The following TEC variants were observed in gnomAD, a reference collection of about 807,000 sequenced individuals.
The protein encoded by TEC is tec protein tyrosine kinase.
In TEC, 72 loss-of-function variants were observed where a neutral mutation model predicts 93.0. That is an observed-to-expected ratio of 0.77 (90% CI 0.64 to 0.94). The LOEUF (loss-of-function observed/expected upper bound fraction) is 0.94. Among genes scored for constraint, TEC ranks in the 40% least tolerant of loss-of-function variants. TEC has a pLI of 0.00. For synonymous variants in TEC, 249 were observed against 247.7 expected, an observed-to-expected ratio of 1.01 and a Z score of -0.05; for missense variants, 630 against 757.9, an observed-to-expected ratio of 0.83 and a Z score of 1.98.
intron 1 of TEC, among the ~76,000 whole-genome samples, chr4:48,242,187 T>C (rs1450264589): frequency 2.6e-5 from 4 of 152,190 alleles, no homozygotes; most frequent in Non-Finnish European, 4.4e-5. Context: ...CACAACAAAA[T>C]AAATTAATGT....
At chr4:48,205,146 AT>A (rs1370044992) in intron 2 of TEC, among the ~76,000 whole-genome samples, 1 of 152,244 alleles carries the variant, frequency 6.6e-6, no homozygotes, top group African/African-American at 2.4e-5. Flanking sequence ...TGTGGTCAAG[AT>A]TAAATAAGTT....
At chr4:48,241,176 T>C (rs1327057769) in intron 1 of TEC, among the ~76,000 whole-genome samples, 2 of 152,152 alleles carry the variant, frequency 1.3e-5, no homozygotes. Context: ...ATCATTGTCA[T>C]TATCTGGTCC....
chr4:48,166,432 G>A (rs1274360597), intron 7 of TEC, among the ~76,000 whole-genome samples: 9 of 151,968 alleles, frequency 5.9e-5, no homozygotes, highest in Non-Finnish European at 2.9e-5. Flanking sequence ...TCTTCCTCCA[G>A]GTACAAAAAT....
chr4:48,251,516 T>C (rs138514681), intron 1 of TEC, among the ~76,000 whole-genome samples: 2 of 152,344 alleles, frequency 1.3e-5, no homozygotes, highest in African/African-American at 4.8e-5. Context: ...CTTGATTATG[T>C]GTTGTTTTTC....
chr4:48,191,764 ACT>A (rs1470425526), intron 2 of TEC, among the ~76,000 whole-genome samples: 1 of 151,974 alleles, frequency 6.6e-6, no homozygotes, highest in African/African-American at 2.4e-5. Context: ...ACATAGCAAG[ACT>A]CTGTTTCTAC....
intron 2 of TEC, among the ~76,000 whole-genome samples, chr4:48,178,766 ATTCAGGGCTC>A (rs1721434882): frequency 6.6e-6 from 1 of 152,172 alleles, no homozygotes; most frequent in Admixed American, 6.5e-5. Context: ...CTACAGACGC[ATTCAGGGCTC>A]TCCTATCCAA....
At chr4:48,266,510 A>G (rs1204332252) in intron 1 of TEC, among the ~76,000 whole-genome samples, 2 of 152,230 alleles carry the variant, frequency 1.3e-5, no homozygotes, top group Non-Finnish European at 2.9e-5. Flanking sequence ...AGAGCACAAA[A>G]TAAATAAAAT....
Position 48,146,399 on chromosome 4 carries a change from C to A in TEC, c.1007G>T (p.Gly336Val). ...IIEYHKHNAAGLVTRLRYPVS... is the reference protein window; with the variant it reads ...IIEYHKHNAAVLVTRLRYPVS... The stretch of plus-strand genomic sequence containing the variant: ...TGGGTACCGAAGCCTGGTGACAAGT[C>A]CTAATAATCAAAGAAAGCGTTGCAG... The change falls in exon 12 of 18, where the codon GGA (glycine) becomes GTA (valine). Residue 336 changes from glycine (G) to valine (V), a missense_variant and splice_region_variant. Gly to Val is a moderately radical substitution (Grantham distance 109, BLOSUM62 -3). Transcript: ENST00000381501. The A allele has an allele frequency of 2.5e-6, 4 of 1,613,460 alleles. No homozygotes were observed. Among genetic ancestry groups the A allele is most frequent in the Non-Finnish European group, 3.4e-6 (4 of 1,179,550 alleles).
chr4:48,226,197 C>A (rs1314943503), intron 2 of TEC, among the ~76,000 whole-genome samples: 1 of 149,204 alleles, frequency 6.7e-6, no homozygotes, highest in Non-Finnish European at 1.5e-5. Flanking sequence ...ACTGCCCATA[C>A]TGCGAACCAA....
At chr4:48,222,907 C>T (rs746112263) in intron 2 of TEC, among the ~76,000 whole-genome samples, 3 of 152,114 alleles carry the variant, frequency 2.0e-5, no homozygotes, top group Non-Finnish European at 2.9e-5. Context: ...TACATACACA[C>T]ACATACACAT....
At chr4:48,218,410 C>T (rs1448488471) in intron 2 of TEC, among the ~76,000 whole-genome samples, 2 of 152,176 alleles carry the variant, frequency 1.3e-5, no homozygotes, top group Non-Finnish European at 2.9e-5. Context: ...GTCAGGACCA[C>T]AGGCCTGAGC....
chr4:48,241,634 A>G (rs1411137316), intron 1 of TEC, among the ~76,000 whole-genome samples: 1 of 152,144 alleles, frequency 6.6e-6, no homozygotes, highest in Non-Finnish European at 1.5e-5. Flanking sequence ...CTGTGCACTA[A>G]TTCTTAACCT....
intron 1 of TEC, among the ~76,000 whole-genome samples, chr4:48,239,811 CAT>C (rs1319946326): frequency 6.6e-6 from 1 of 151,962 alleles, no homozygotes; most frequent in Non-Finnish European, 1.5e-5. Flanking sequence ...GAGGGTCTGA[CAT>C]ATATTTAGTC....
At chr4:48,175,610 T>A (rs1225196428) in intron 3 of TEC, among the ~76,000 whole-genome samples, 2 of 152,162 alleles carry the variant, frequency 1.3e-5, no homozygotes, top group African/African-American at 2.4e-5. Flanking sequence ...CTTGGCAGAC[T>A]TTTCATTTAC....
At chr4:48,252,893 T>A (rs1348103103) in intron 1 of TEC, among the ~76,000 whole-genome samples, 1 of 152,188 alleles carries the variant, frequency 6.6e-6, no homozygotes, top group Non-Finnish European at 1.5e-5. Context: ...ACACATTTAC[T>A]GCATGCTTGT....
intron 8 of TEC, among the ~76,000 whole-genome samples, chr4:48,161,953 T>C (rs1168098089): frequency 6.6e-6 from 1 of 152,168 alleles, no homozygotes; most frequent in Non-Finnish European, 1.5e-5. Flanking sequence ...TCAGACTGCC[T>C]TCCTTTCCCC....
chr4:48,229,039 T>G (rs1422897808), intron 1 of TEC, among the ~76,000 whole-genome samples: 1 of 152,216 alleles, frequency 6.6e-6, no homozygotes, highest in African/African-American at 2.4e-5. Context: ...GCATTTGAAT[T>G]GCTTCAGGAT....
Position 48,137,476 on chromosome 4 carries a change from G to T in TEC, c.1836C>A (p.Phe612Leu), listed in dbSNP as rs552094470. ...CATCTATTGTGCGCAGCAGATCTTC[G>T]AAAGAAGGCCTTCCCTCTGGTTTCT... ...WQEKPEGRPS[F>L]EDLLRTIDEL... Residue 612 changes from phenylalanine (F) to leucine (L), a missense_variant, in exon 18 of 18, where the codon TTC (phenylalanine) becomes TTA (leucine). Transcript: ENST00000381501. 1 of 1,613,896 alleles carries T rather than the reference G, an allele frequency of 6.2e-7. No individual in the cohort carries two copies. Among genetic ancestry groups the T allele is most frequent in the Non-Finnish European group, 8.5e-7 (1 of 1,179,992 alleles).
chr4:48,138,981 T>C lies in TEC; in HGVS notation c.1577A>G (p.Lys526Arg). The change falls in exon 16 of 18, where the codon AAG (lysine) becomes AGG (arginine). Residue 526 changes from lysine (K) to arginine (R), a missense_variant. Lys to Arg is a conservative substitution (Grantham distance 26). This residue lies in a region of TEC where 289 missense variants were observed against 390.0 expected (regional missense o/e 0.74). Coordinates refer to ENST00000381501, the MANE Select transcript of TEC (RefSeq NM_003215.3). ...AGGTGGACACCACTTCACAGGAAAC[T>C]TAGCACCAGAAGAACTTGTGTACTG... Reference protein sequence around the residue: ...DDQYTSSSGAKFPVKWCPPEV... With the variant: ...DDQYTSSSGARFPVKWCPPEV... 4.3e-6 allele frequency: 7 copies of C among 1,614,212 alleles called. No individual in the cohort carries two copies. Among genetic ancestry groups the C allele is most frequent in the Non-Finnish European group, 5.9e-6 (7 of 1,180,028 alleles).
Sources: gnomAD v4.1 joint callset for allele counts (sites outside exome capture counted in the v4.1 genomes callset) on GRCh38, gnomAD v4.1.1 for gene constraint, gnomAD v4.1.1 regional missense constraint, MANE v1.5 for transcripts, NCBI Gene and HGNC (gene_info 2026-07-23, HGNC 2026-07-21) for gene names.